Variants in ANK3 observed in about 807,000 individuals in gnomAD.
ANK3 encodes ankyrin 3, also known as ankyrin-3.
Under a neutral mutation model 370.9 loss-of-function variants are expected in ANK3, and 57 were observed. The ratio of observed to expected loss-of-function variants is 0.15; its 90% CI spans 0.12 to 0.19. The LOEUF (loss-of-function observed/expected upper bound fraction) is 0.19. Among genes scored for constraint, ANK3 ranks in the 10% least tolerant of loss-of-function variants. The pLI is 1.00. For missense variants in ANK3, 4,439 were observed against 5,302.1 expected (o/e 0.84, Z 5.06); for synonymous variants, 1,929 against 1,946.3 (o/e 0.99, Z 0.23).
intron 2 of ANK3, among the ~76,000 whole-genome samples, chr10:60,398,691 C>T (rs1303953407): frequency 6.6e-6 from 1 of 152,150 alleles, no homozygotes; most frequent in African/African-American, 2.4e-5. Context: ...TTTAATGAAG[C>T]AGCATAATCC....
chr10:60,296,933 T>C (rs2042649495), intron 1 of ANK3, among the ~76,000 whole-genome samples: 1 of 152,234 alleles, frequency 6.6e-6, no homozygotes, highest in South Asian at 2.1e-4. Context: ...TGAGCTGTGA[T>C]TGTGCTACCG....
At chr10:60,645,258 T>C (rs1394314773) in intron 1 of ANK3, among the ~76,000 whole-genome samples, 4 of 152,190 alleles carry the variant, frequency 2.6e-5, no homozygotes, top group African/African-American at 7.2e-5. Context: ...AAACATTCTA[T>C]TAAAAAATTA....
chr10:60,414,087 AG>A (rs1594980067), intron 2 of ANK3, among the ~76,000 whole-genome samples: 1 of 152,222 alleles, frequency 6.6e-6, no homozygotes, highest in East Asian at 1.9e-4. Context: ...ATTACAATAT[AG>A]GCACTGTAAT....
chr10:60,104,920 A>T (rs904034228), intron 28 of ANK3, among the ~76,000 whole-genome samples: 1 of 152,228 alleles, frequency 6.6e-6, no homozygotes, highest in African/African-American at 2.4e-5. Context: ...GAAGAAAGAC[A>T]GGCTCACAGA....
intron 7 of ANK3, among the ~76,000 whole-genome samples, chr10:60,253,443 G>T (rs1200668897): frequency 6.6e-6 from 1 of 152,178 alleles, no homozygotes; most frequent in East Asian, 1.9e-4. Context: ...AGATGTCAAT[G>T]AATTCAAGTA....
chr10:60,296,213 C>T (rs1331263083), intron 1 of ANK3, among the ~76,000 whole-genome samples: 3 of 152,198 alleles, frequency 2.0e-5, no homozygotes, highest in Non-Finnish European at 4.4e-5. Context: ...TCCACACAGT[C>T]GAAATACTTG....
intron 42 of ANK3, 102 bp from the exon 43 acceptor site, chr10:60,042,861 G>C: frequency 6.4e-7 from 1 of 1,554,908 alleles, no homozygotes; most frequent in East Asian, 2.3e-5. Context: ...AAGCGAAACA[G>C]TTTAAAGCAT....
intron 1 of ANK3, among the ~76,000 whole-genome samples, chr10:60,378,010 A>G (rs1304662767): frequency 6.6e-6 from 1 of 152,170 alleles, no homozygotes; most frequent in Non-Finnish European, 1.5e-5. Flanking sequence ...GTTTTTGTCT[A>G]ATCAATTTTT....
At chr10:60,698,543 A>G (rs1383742937) in intron 1 of ANK3, among the ~76,000 whole-genome samples, 1 of 149,976 alleles carries the variant, frequency 6.7e-6, no homozygotes, top group Non-Finnish European at 1.5e-5. Context: ...AAAATGTGGC[A>G]CATATACACC....
intron 4 of ANK3, among the ~76,000 whole-genome samples, chr10:60,276,224 G>C (rs114794405): frequency 0.01 from 1,560 of 152,136 alleles, 43 homozygotes; most frequent in African/African-American, 0.036. Flanking sequence ...AGAGTAAGGG[G>C]CTCTTTTTAC....
intron 2 of ANK3, among the ~76,000 whole-genome samples, chr10:60,521,458 C>A (rs1343573023): frequency 6.6e-6 from 1 of 152,058 alleles, no homozygotes; most frequent in East Asian, 1.9e-4. Context: ...AACTGTCTTA[C>A]AGTTTAAATA....
At chr10:60,109,096 A>C in intron 26 of ANK3, 42 bp from the exon 27 acceptor site, 5 of 1,505,212 alleles carry the variant, frequency 3.3e-6, no homozygotes, top group Non-Finnish European at 4.6e-6. Flanking sequence ...GACGGAAATA[A>C]ACTGTGCTCA....
At chr10:60,434,451 T>C (rs1285907334) in intron 2 of ANK3, among the ~76,000 whole-genome samples, 2 of 152,168 alleles carry the variant, frequency 1.3e-5, no homozygotes, top group Non-Finnish European at 2.9e-5. Context: ...CAAAACAAAA[T>C]AACAAAGTGA....
chr10:60,091,792 A>G (rs1466150157), intron 28 of ANK3, among the ~76,000 whole-genome samples: 1 of 150,774 alleles, frequency 6.6e-6, no homozygotes, highest in Non-Finnish European at 1.5e-5. Flanking sequence ...GTGCAGTGGC[A>G]CAATCTCCAC....
intron 23 of ANK3, among the ~76,000 whole-genome samples, chr10:60,152,715 T>G (rs1385324068): frequency 2.0e-5 from 3 of 152,176 alleles, no homozygotes; most frequent in African/African-American, 4.8e-5. Context: ...ATATAAAATA[T>G]AAATATACAT....
rs142899762 is a variant in ANK3, at chr10:60,088,278, C to T, written c.3409G>A (p.Val1137Ile). Reference sequence around the variant, plus strand: ...TTGCTTTCCTGCTTAATCCGGGAAACCACTGCAAAATACTGGGGGAAATCT... The same window carrying T: ...TTGCTTTCCTGCTTAATCCGGGAAATCACTGCAAAATACTGGGGGAAATCT... ...TKDFPQYFAV[V>I]SRIKQESNQI... The change falls in exon 29 of 44, where the codon GTT (valine) becomes ATT (isoleucine). Residue 1137 changes from valine to isoleucine, a missense_variant. Physicochemically the swap from Val to Ile is conservative, Grantham distance 29. Coordinates refer to ENST00000280772, the MANE Select transcript of ANK3 (RefSeq NM_020987.5). 8.7e-6 allele frequency: 14 copies of T among 1,614,048 alleles called. No homozygotes were observed. The highest frequency in any genetic ancestry group is 1.7e-5 in the Admixed American group (1 of 60,006).
chr10:60,461,622 AG>A (rs199762981), intron 2 of ANK3, among the ~76,000 whole-genome samples: 1,614 of 152,280 alleles, frequency 0.011, 26 homozygotes, highest in African/African-American at 0.036. Context: ...CAAAAATTGC[AG>A]CAAAACCATC....
At chr10:60,444,345 T>A (rs2064380012) in intron 2 of ANK3, among the ~76,000 whole-genome samples, 1 of 150,868 alleles carries the variant, frequency 6.6e-6, no homozygotes, top group South Asian at 2.1e-4. Context: ...GATATAATGC[T>A]CCTGAAAAAA....
intron 2 of ANK3, among the ~76,000 whole-genome samples, chr10:60,546,760 A>T (rs1344145613): frequency 6.6e-6 from 1 of 152,174 alleles, no homozygotes; most frequent in Non-Finnish European, 1.5e-5. Context: ...TAAAAATGAA[A>T]CCATATTTAA....
Sources: gnomAD v4.1 joint callset for allele counts (sites outside exome capture counted in the v4.1 genomes callset) on GRCh38, gnomAD v4.1.1 for gene constraint, MANE v1.5 for transcripts, NCBI Gene and HGNC (gene_info 2026-07-23, HGNC 2026-07-21) for gene names.